Variants in TSLP observed in about 807,000 individuals in gnomAD.
TSLP encodes the protein thymic stromal lymphopoietin, also known as thymic stroma-derived lymphopoietin.
Under a neutral mutation model 12.4 loss-of-function variants are expected in TSLP, and 12 were observed. That is an observed-to-expected ratio of 0.97 (90% CI 0.62 to 1.57). The LOEUF is 1.57. Among genes scored for constraint, TSLP ranks in the 40% most tolerant of loss-of-function variants. TSLP has a pLI of 0.00. For missense variants in TSLP, 222 were observed against 189.6 expected (o/e 1.17, Z -1.00); for synonymous variants, 97 against 69.5 (o/e 1.40, Z -1.97).
At chr5:111,073,397 G>C in intron 2 of TSLP, 114 bp from the exon 3 acceptor site, 1 of 1,557,142 alleles carries the variant, frequency 6.4e-7, no homozygotes, top group East Asian at 2.2e-5. Flanking sequence ...CTCTCGACTT[G>C]TGTTCCCCGC....
At chr5:111,073,364 C>T (rs1392201980) in intron 2 of TSLP, 147 bp from the exon 3 acceptor site, 18 of 1,511,822 alleles carry the variant, frequency 1.2e-5, no homozygotes, top group African/African-American at 2.8e-5. Flanking sequence ...TTGCTCTACT[C>T]AACCCTGACC....
chr5:111,071,639 A>G, upstream of TSLP: 1 of 1,444,784 alleles, frequency 6.9e-7, no homozygotes, highest in Non-Finnish European at 9.2e-7. Context: ...GACATGGTAG[A>G]AAATCATTGG....
Position 111,073,498 on chromosome 5 carries a change from C to G in TSLP, c.217-13C>G, listed in dbSNP as rs778593119. On this transcript the variant is annotated splice_polypyrimidine_tract_variant and intron_variant, in intron 2 of 3. Transcript: ENST00000344895. ...TTTCTCCTTTTCTCGTAAACTTTGC[C>G]GCCTATGAGCAGCCACATTGCCTTA... 2 of 1,613,442 alleles carry G rather than the reference C, an allele frequency of 1.2e-6. No homozygotes were observed. Among genetic ancestry groups the G allele is most frequent in the Non-Finnish European group, 1.7e-6 (2 of 1,179,858 alleles).
intron 3 of TSLP, 139 bp from the exon 4 acceptor site, chr5:111,075,807 C>T (rs1377503991): frequency 1.3e-5 from 11 of 839,814 alleles, no homozygotes; most frequent in Non-Finnish European, 1.8e-5. Flanking sequence ...GGAAAAGGCA[C>T]ATGCTAGCAC....
chr5:111,072,383 G>C (rs1752364592), intron 1 of TSLP, among the ~76,000 whole-genome samples: 1 of 152,154 alleles, frequency 6.6e-6, no homozygotes, highest in Non-Finnish European at 1.5e-5. Context: ...TTAAGAAAGA[G>C]GAGTAAAAGA....
intron 1 of TSLP, among the ~76,000 whole-genome samples, chr5:111,072,636 T>G (rs765701280): frequency 2.0e-5 from 3 of 152,204 alleles, no homozygotes; most frequent in African/African-American, 4.8e-5. Flanking sequence ...TAGTGCTATG[T>G]GCAGTTATGG....
Position 111,073,616 on chromosome 5 carries a change from A to C in TSLP, c.322A>C (p.Ile108Leu). The part of the protein sequence containing the change: ...FAMKTKAALA[I>L]WCPGYSETQI... Reference sequence around the variant, plus strand: ...CATGAAAACTAAGGCTGCCTTAGCTATCTGGTGCCCAGGCTATTCGGAAAC... The same window carrying C: ...CATGAAAACTAAGGCTGCCTTAGCTCTCTGGTGCCCAGGCTATTCGGAAAC... The change falls in exon 3 of 4, where the codon ATC becomes CTC. Residue 108 changes from isoleucine (I) to leucine (L), a missense_variant. By Grantham distance (5) the Ile-to-Leu change is conservative. Transcript: ENST00000344895. The C allele has an allele frequency of 6.2e-7, 1 of 1,614,174 alleles. No homozygotes were observed.
At chr5:111,075,854 G>T in intron 3 of TSLP, 92 bp from the exon 4 acceptor site, 1 of 1,324,564 alleles carries the variant, frequency 7.5e-7, no homozygotes, top group African/African-American at 1.5e-5. Flanking sequence ...ACTGAAAGAT[G>T]GATTTGCATA....
At chr5:111,074,761 A>G (rs542748802) in intron 3 of TSLP, among the ~76,000 whole-genome samples, 128 of 151,624 alleles carry the variant, frequency 8.4e-4, no homozygotes, top group Middle Eastern at 3.4e-3. Context: ...CTGGAACTAC[A>G]GGTGCCCGCC....
At chr5:111,072,970 G>C (rs373550157) in intron 2 of TSLP, 38 bp downstream of exon 2, 119 of 1,609,710 alleles carry the variant, frequency 7.4e-5, no homozygotes, top group Admixed American at 1.0e-4. Flanking sequence ...TTTCTCCAGG[G>C]AGACGCCAGG....
rs934467083 is a variant in TSLP at position 111,077,425 on chromosome 5, G to A, written c.*1351G>A. 6.6e-6 allele frequency: 1 copy of A among 152,254 alleles called. No individual in the cohort carries two copies. Among genetic ancestry groups the A allele is most frequent in the Non-Finnish European group, 1.5e-5 (1 of 68,074 alleles). The allele number at this position is 152,254 out of a possible 1,614,324, so 9.4% of individuals were successfully genotyped here. ...GGGATAGAAAAGTAGGTAAGACTCA[G>A]CCTTTGTCCAGAGAAGCTCAGGGTA... On this transcript the variant is annotated 3_prime_UTR_variant, in exon 4 of 4. Transcript: ENST00000344895.
chr5:111,073,294 C>G lies in TSLP; in HGVS notation c.217-217C>G, dbSNP rs1372486295. On this transcript the variant is annotated intron_variant, in intron 2 of 3. Coordinates refer to ENST00000344895, the MANE Select transcript of TSLP (RefSeq NM_033035.5). ...GAGCGAGCGTGGGTGACAGTCTTTT[C>G]GCGACGAGTGCCCTCCGCCACCCTC... 4 of 1,420,632 alleles carry G rather than the reference C, an allele frequency of 2.8e-6. No homozygotes were observed. The East Asian group carries it at 1.0e-4, about 37-fold the overall frequency. 88.0% of individuals were successfully genotyped at this position (1,420,632 alleles called of 1,614,324 possible).
intron 2 of TSLP, 53 bp from the exon 3 acceptor site, chr5:111,073,458 T>C: frequency 1.2e-6 from 2 of 1,610,600 alleles, no homozygotes; most frequent in South Asian, 2.2e-5. Flanking sequence ...CACCAACTCT[T>C]TCTCTCTCTG....
At chr5:111,072,113 C>T in intron 1 of TSLP, 52 bp downstream of exon 1, 2 of 1,426,118 alleles carry the variant, frequency 1.4e-6, no homozygotes, top group Non-Finnish European at 1.9e-6. Context: ...GAGGAGTCGG[C>T]ATACACACAC....
chr5:111,072,819 G>A (rs1752377317), intron 1 of TSLP, 69 bp from the exon 2 acceptor site: 1 of 1,518,946 alleles, frequency 6.6e-7, no homozygotes, highest in Non-Finnish European at 9.1e-7. Flanking sequence ...GGAGCAAAGG[G>A]TGGAGGGATG....
At chr5:111,073,402 C>T in intron 2 of TSLP, 109 bp from the exon 3 acceptor site, 2 of 1,560,288 alleles carry the variant, frequency 1.3e-6, no homozygotes, top group South Asian at 1.2e-5. Flanking sequence ...GACTTGTGTT[C>T]CCCGCTCCTC....
rs375343802 is a variant in TSLP, at chr5:111,072,075, C to A, written c.171+14C>A. 1 of 1,595,752 alleles carries A rather than the reference C, an allele frequency of 6.3e-7. No homozygotes were observed. The highest frequency in any genetic ancestry group is 1.3e-5 in the African/African-American group (1 of 74,632). On this transcript the variant is annotated intron_variant, in intron 1 of 3. Coordinates refer to ENST00000344895, the MANE Select transcript of TSLP (RefSeq NM_033035.5). Reference sequence around the variant, plus strand: ...TATATGAGTGGGGTAAGTGAAGAAGCTTTTTTAAAACAAATGTATTTTCAT... The same window carrying A: ...TATATGAGTGGGGTAAGTGAAGAAGATTTTTTAAAACAAATGTATTTTCAT...
chr5:111,075,814 G>A, intron 3 of TSLP, 132 bp from the exon 4 acceptor site: 4 of 923,000 alleles, frequency 4.3e-6, no homozygotes, highest in Non-Finnish European at 6.6e-6. Context: ...GCACATGCTA[G>A]CACATAGTAA....
In TSLP at chr5:111,076,717, G is replaced by T. The variant is rs1445816236; in HGVS notation, c.*643G>T. On this transcript the variant is annotated 3_prime_UTR_variant, in exon 4 of 4. Transcript: ENST00000344895. ...TATAGAATCTACTTTAATTTATTTT[G>T]TGAACACTTTTGAAAATGTACATGT... 1.3e-5 allele frequency: 2 copies of T among 152,108 alleles called. No homozygotes were observed. The highest frequency in any genetic ancestry group is 2.9e-5 in the Non-Finnish European group (2 of 68,026). 9.4% of individuals were successfully genotyped at this position (152,108 alleles called of 1,614,324 possible).
Sources: gnomAD v4.1 joint callset for allele counts (sites outside exome capture counted in the v4.1 genomes callset) on GRCh38, gnomAD v4.1.1 for gene constraint, MANE v1.5 for transcripts, NCBI Gene and HGNC (gene_info 2026-07-23, HGNC 2026-07-21) for gene names.